The following MINPP1 variants were observed in gnomAD, a reference collection of about 807,000 sequenced individuals.
MINPP1 encodes the protein multiple inositol-polyphosphate phosphatase 1.
Under a neutral mutation model 46.1 loss-of-function variants are expected in MINPP1, and 28 were observed. That is an observed-to-expected ratio of 0.61 (90% confidence interval 0.45 to 0.83). The LOEUF is 0.83. MINPP1 is among the 40% of genes least tolerant of loss of function. The pLI, the probability that MINPP1 is intolerant of heterozygous loss-of-function variation, is 0.00. For synonymous variants in MINPP1, 268 were observed against 249.1 expected, an observed-to-expected ratio of 1.08 and a Z score of -0.72; for missense variants, 603 against 610.0, an observed-to-expected ratio of 0.99 and a Z score of 0.12.
At chr10:87,528,100 CTTCT>C (rs1315483378) in intron 4 of MINPP1, among the ~76,000 whole-genome samples, 1 of 151,792 alleles carries the variant, frequency 6.6e-6, no homozygotes, top group Non-Finnish European at 1.5e-5. Flanking sequence ...TCTTTCTTTT[CTTCT>C]TTATTAGTCT....
chr10:87,542,736 G>T (rs1217109809), intron 4 of MINPP1, among the ~76,000 whole-genome samples: 1 of 152,170 alleles, frequency 6.6e-6, no homozygotes, highest in Non-Finnish European at 1.5e-5. Context: ...TTCCTGTACA[G>T]CCTGCAGAAC....
Position 87,513,221 on chromosome 10 carries a change from GGTAA to G in MINPP1, c.933+4_933+7del. The G allele has an allele frequency of 6.2e-7, 1 of 1,607,742 alleles. No homozygotes were observed. Among genetic ancestry groups the G allele is most frequent in the Non-Finnish European group, 8.5e-7 (1 of 1,174,704 alleles). On this transcript the variant is annotated splice_donor_variant and splice_donor_region_variant and intron_variant, in intron 3 of 4. Transcript: ENST00000371996. LOFTEE classifies it high-confidence loss of function. The stretch of plus-strand genomic sequence containing the variant: ...ATGTTTTTGACATAGATGATGCAAA[GGTAA>G]GTATTATTTTTGCAGTTTCTTTGCT...
At chr10:87,544,031 T>G (rs1851853820) in intron 4 of MINPP1, among the ~76,000 whole-genome samples, 1 of 152,204 alleles carries the variant, frequency 6.6e-6, no homozygotes, top group South Asian at 2.1e-4. Flanking sequence ...TTTGACACTA[T>G]CTGCCTGGAT....
chr10:87,515,377 AC>A (rs1851398818), intron 3 of MINPP1, among the ~76,000 whole-genome samples: 1 of 151,822 alleles, frequency 6.6e-6, no homozygotes, highest in South Asian at 2.1e-4. Context: ...ACAAAGCAAG[AC>A]TCTGTCTCAG....
At chr10:87,532,548 G>A (rs956070339) in intron 4 of MINPP1, among the ~76,000 whole-genome samples, 1 of 152,236 alleles carries the variant, frequency 6.6e-6, no homozygotes, top group Admixed American at 6.5e-5. Context: ...CGATGATGAA[G>A]AAACTGGCAG....
intron 4 of MINPP1, among the ~76,000 whole-genome samples, chr10:87,522,694 T>C (rs1851520021): frequency 6.6e-6 from 1 of 152,226 alleles, no homozygotes; most frequent in African/African-American, 2.4e-5. Flanking sequence ...CCTCAGGTGT[T>C]GAGGCTGCTG....
intron 4 of MINPP1, among the ~76,000 whole-genome samples, chr10:87,545,714 GTGTAAGAAGCATGAAATAGATCA>G (rs747632701): frequency 0.033 from 5,073 of 152,280 alleles, 119 homozygotes; most frequent in Non-Finnish European, 0.051. Context: ...AGAGTAGAAT[GTGTAAGAAGCATGAAATAGATCA>G]CATCGAGTCT....
rs1006103884 is a variant in MINPP1 at position 87,504,904 on chromosome 10, A to C, written c.-12A>C. On this transcript the variant is annotated 5_prime_UTR_variant, in exon 1 of 5. Coordinates refer to ENST00000371996, the MANE Select transcript of MINPP1 (RefSeq NM_004897.5). ...GCAGCTGGCTCGGCGCACTCCACTGACCGTCCCGACGATGCTACGCGCGCC... is the reference window on the plus strand; with the variant it reads ...GCAGCTGGCTCGGCGCACTCCACTGCCCGTCCCGACGATGCTACGCGCGCC... 2.3e-5 allele frequency: 37 copies of C among 1,608,652 alleles called. No homozygotes were observed. Among genetic ancestry groups the C allele is most frequent in the Non-Finnish European group, 3.0e-5 (35 of 1,178,894 alleles).
At chr10:87,543,782 T>C (rs999697916) in intron 4 of MINPP1, among the ~76,000 whole-genome samples, 5 of 152,218 alleles carry the variant, frequency 3.3e-5, no homozygotes, top group Non-Finnish European at 1.5e-5. Context: ...AACAACCAGA[T>C]TTCATGTGAA....
chr10:87,543,779 A>G (rs1589385423), intron 4 of MINPP1, among the ~76,000 whole-genome samples: 2 of 152,384 alleles, frequency 1.3e-5, no homozygotes, highest in South Asian at 2.1e-4. Flanking sequence ...TTAAACAACC[A>G]GATTTCATGT....
chr10:87,544,025 A>G (rs1851853706), intron 4 of MINPP1, among the ~76,000 whole-genome samples: 1 of 152,192 alleles, frequency 6.6e-6, no homozygotes, highest in Non-Finnish European at 1.5e-5. Context: ...TCTAATTTTG[A>G]CACTATCTGC....
intron 4 of MINPP1, among the ~76,000 whole-genome samples, chr10:87,550,664 C>G (rs145902668): frequency 1.3e-5 from 2 of 152,008 alleles, no homozygotes; most frequent in African/African-American, 4.8e-5. Context: ...AGAGCCCCCC[C>G]GTTCTGGTGT....
chr10:87,540,947 T>C (rs1589384145), intron 4 of MINPP1, among the ~76,000 whole-genome samples: 1 of 152,192 alleles, frequency 6.6e-6, no homozygotes, highest in East Asian at 1.9e-4. Context: ...TGTGAATTTG[T>C]TTTTCGGTGT....
intron 4 of MINPP1, among the ~76,000 whole-genome samples, chr10:87,524,672 T>TA (rs1182389675): frequency 2.0e-5 from 3 of 152,214 alleles, no homozygotes; most frequent in Admixed American, 1.3e-4. Flanking sequence ...TTTGAACACT[T>TA]AGAGGCCATT....
At chr10:87,527,847 T>G (rs1455884036) in intron 4 of MINPP1, among the ~76,000 whole-genome samples, 1 of 152,046 alleles carries the variant, frequency 6.6e-6, no homozygotes, top group Non-Finnish European at 1.5e-5. Flanking sequence ...TGGACTTTTT[T>G]TGGTTGGTAG....
At chr10:87,518,939 G>T (rs1442413126) in intron 3 of MINPP1, among the ~76,000 whole-genome samples, 4 of 152,116 alleles carry the variant, frequency 2.6e-5, no homozygotes, top group Non-Finnish European at 5.9e-5. Flanking sequence ...CAGTCCTCTT[G>T]GGTTTTTATG....
chr10:87,509,621 T>C, intron 2 of MINPP1: 1 of 216,722 alleles, frequency 4.6e-6, no homozygotes, highest in Non-Finnish European at 9.9e-6. Flanking sequence ...ATCCCATTCT[T>C]CTTCCTTTCT....
chr10:87,506,155 C>G (rs1303505018), intron 1 of MINPP1, among the ~76,000 whole-genome samples: 4 of 151,694 alleles, frequency 2.6e-5, no homozygotes, highest in African/African-American at 9.7e-5. Context: ...CTGTAGCGTT[C>G]CCATCGTTGT....
intron 4 of MINPP1, among the ~76,000 whole-genome samples, chr10:87,532,007 G>A (rs1851667245): frequency 6.6e-6 from 1 of 152,156 alleles, no homozygotes; most frequent in Admixed American, 6.5e-5. Context: ...AGTATAATAT[G>A]ATATACAGAC....
Sources: allele counts gnomAD v4.1 joint callset (sites outside exome capture counted in the v4.1 genomes callset), GRCh38; gene constraint gnomAD v4.1.1; transcripts MANE v1.5; gene names NCBI Gene and HGNC (gene_info 2026-07-23, HGNC 2026-07-21).